Variants in RANBP17 observed in about 807,000 individuals in gnomAD.
RANBP17 encodes the protein RAN binding protein 17, also known as ran-binding protein 17.
RANBP17 carries 158 observed loss-of-function variants against 141.2 expected under a neutral mutation model. The observed-to-expected ratio is 1.12, with a 90% CI of 0.98 to 1.28. RANBP17 has a LOEUF of 1.28. Among genes scored for constraint, RANBP17 ranks in the 50% most tolerant of loss-of-function variants. The pLI is 0.00. For missense variants in RANBP17, 1,438 were observed against 1,290.7 expected (o/e 1.11, Z -1.75); for synonymous variants, 430 against 450.0 (o/e 0.96, Z 0.56).
intron 24 of RANBP17, among the ~76,000 whole-genome samples, chr5:171,253,364 A>G (rs1191555275): frequency 6.6e-6 from 1 of 152,210 alleles, no homozygotes; most frequent in African/African-American, 2.4e-5. Context: ...TGATAAGGAG[A>G]TGATGTTGAA....
chr5:171,002,374 G>T (rs1422494664), intron 14 of RANBP17, among the ~76,000 whole-genome samples: 1 of 152,142 alleles, frequency 6.6e-6, no homozygotes, highest in Non-Finnish European at 1.5e-5. Context: ...TACCTTATCA[G>T]CATAAGCGTT....
In RANBP17 at chr5:171,156,587, T is replaced by A. The variant is rs141880837; in HGVS notation, c.1711-13543T>A. Among the ~76,000 whole-genome samples, 1,360 of 152,302 alleles carry A rather than the reference T, an allele frequency of 8.9e-3. 6 individuals carry two copies. Among genetic ancestry groups the A allele is most frequent in the Non-Finnish European group, 0.015 (1,011 of 67,974 alleles). ...CAAGATGGTTAATAGGACACAAATA[T>A]AGACATTTCATATGATGTACCATGT... On this transcript the variant is annotated intron_variant, in intron 14 of 27. Coordinates refer to ENST00000523189, the MANE Select transcript of RANBP17 (RefSeq NM_022897.5).
intron 14 of RANBP17, among the ~76,000 whole-genome samples, chr5:171,130,524 C>T (rs1756836013): frequency 6.8e-6 from 1 of 146,520 alleles, no homozygotes; most frequent in Admixed American, 7.0e-5. Context: ...ACAACCTCCT[C>T]CTCTGGGGTT....
At chr5:171,106,780 A>T (rs1434294382) in intron 14 of RANBP17, among the ~76,000 whole-genome samples, 1 of 152,066 alleles carries the variant, frequency 6.6e-6, no homozygotes, top group African/African-American at 2.4e-5. Context: ...CCCAATGGAA[A>T]TTTTTTTTAA....
At chr5:171,199,963 G>A (rs1762207045) in intron 19 of RANBP17, among the ~76,000 whole-genome samples, 190 bp downstream of exon 19, 1 of 152,160 alleles carries the variant, frequency 6.6e-6, no homozygotes, top group Non-Finnish European at 1.5e-5. Context: ...TTTGAGGTCA[G>A]CAAATAGTTT....
intron 18 of RANBP17, among the ~76,000 whole-genome samples, chr5:171,194,503 C>T (rs997088031): frequency 1.3e-5 from 2 of 152,172 alleles, no homozygotes; most frequent in African/African-American, 2.4e-5. Context: ...AGCATGTTTT[C>T]AAGGCACATT....
chr5:171,177,005 T>C (rs1306939516), intron 16 of RANBP17, among the ~76,000 whole-genome samples: 3 of 152,218 alleles, frequency 2.0e-5, no homozygotes, highest in Non-Finnish European at 4.4e-5. Flanking sequence ...ATTTCTGCTT[T>C]TGTGAAACAG....
At chr5:171,091,625 T>C (rs541507316) in intron 14 of RANBP17, among the ~76,000 whole-genome samples, 1 of 152,300 alleles carries the variant, frequency 6.6e-6, no homozygotes, top group East Asian at 1.9e-4. Flanking sequence ...AAATCTCATC[T>C]TGAATTCCCA....
chr5:170,922,190 T>A (rs1772521764), intron 11 of RANBP17, among the ~76,000 whole-genome samples: 1 of 152,162 alleles, frequency 6.6e-6, no homozygotes, highest in African/African-American at 2.4e-5. Flanking sequence ...TGCCTGATCC[T>A]TCCTCTGGAA....
chr5:171,158,580 C>A (rs1276439229), intron 14 of RANBP17: 1 of 172,584 alleles, frequency 5.8e-6, no homozygotes, highest in African/African-American at 2.4e-5. Flanking sequence ...GTACTGGTGG[C>A]TTTCCATTTG....
At chr5:171,117,694 A>C (rs180798378) in intron 14 of RANBP17, among the ~76,000 whole-genome samples, 1 of 152,102 alleles carries the variant, frequency 6.6e-6, no homozygotes, top group East Asian at 1.9e-4. Context: ...GGGTTTCACC[A>C]TGTTGACCAT....
intron 25 of RANBP17, among the ~76,000 whole-genome samples, chr5:171,270,521 A>G (rs879334951): frequency 2.6e-5 from 4 of 152,218 alleles, no homozygotes; most frequent in Non-Finnish European, 4.4e-5. Flanking sequence ...AGTAGCAGAT[A>G]AGACACTGAT....
At chr5:171,276,404 A>G (rs2128031790) in intron 25 of RANBP17, among the ~76,000 whole-genome samples, 1 of 152,358 alleles carries the variant, frequency 6.6e-6, no homozygotes, top group Non-Finnish European at 1.5e-5. Context: ...ACAAGGAGCT[A>G]AAAGAAAAAA....
At position 171,183,389 on chromosome 5, in the gene RANBP17, CCTT is replaced by C; in HGVS notation, c.2000_2002del (p.Phe667del). On this transcript the variant is annotated inframe_deletion, in exon 18 of 28. Coordinates refer to ENST00000523189, the MANE Select transcript of RANBP17 (RefSeq NM_022897.5). ...CTCAGCGACTTCAGGTGTCGAACAA[CCTT>C]CTACACAGCGCTCACTCGCCTTCTG... The C allele has an allele frequency of 6.2e-7, 1 of 1,613,824 alleles. No individual in the cohort carries two copies. Among genetic ancestry groups the C allele is most frequent in the Non-Finnish European group, 8.5e-7 (1 of 1,179,756 alleles).
chr5:170,933,403 C>G (rs1773570051), intron 12 of RANBP17, among the ~76,000 whole-genome samples: 1 of 152,052 alleles, frequency 6.6e-6, no homozygotes, highest in African/African-American at 2.4e-5. Context: ...TTTTTTGTGT[C>G]TCTATTTCCT....
intron 14 of RANBP17, among the ~76,000 whole-genome samples, chr5:170,990,989 T>G (rs1431531021): frequency 6.6e-6 from 1 of 151,942 alleles, no homozygotes; most frequent in Non-Finnish European, 1.5e-5. Flanking sequence ...AAAATACTAA[T>G]TATGCCTTAA....
intron 1 of RANBP17, among the ~76,000 whole-genome samples, chr5:170,862,861 CAG>C (rs1442738014): frequency 2.6e-5 from 4 of 152,280 alleles, no homozygotes; most frequent in African/African-American, 7.2e-5. Context: ...ATACAGTTAA[CAG>C]AGAATTACAG....
At chr5:171,090,603 T>C (rs761040942) in intron 14 of RANBP17, among the ~76,000 whole-genome samples, 16 of 152,084 alleles carry the variant, frequency 1.1e-4, no homozygotes, top group Non-Finnish European at 1.8e-4. Flanking sequence ...CTCCAGGTCA[T>C]GTCAGAGAAC....
chr5:171,252,374 C>A, intron 24 of RANBP17: 1 of 1,537,292 alleles, frequency 6.5e-7, no homozygotes, highest in South Asian at 1.1e-5. Context: ...AGATGTCTTA[C>A]TTGTGAAACT....
Sources: allele counts gnomAD v4.1 joint callset (sites outside exome capture counted in the v4.1 genomes callset), GRCh38; gene constraint gnomAD v4.1.1; transcripts MANE v1.5; gene names NCBI Gene and HGNC (gene_info 2026-07-23, HGNC 2026-07-21).